MTMR7: variants seen among roughly 807,000 people sequenced by gnomAD.
The protein encoded by MTMR7 is phosphatidylinositol-3-phosphate phosphatase MTMR7.
Under a neutral mutation model 81.2 loss-of-function variants are expected in MTMR7, and 76 were observed. That is an observed-to-expected ratio of 0.94 (90% confidence interval 0.78 to 1.13). MTMR7 has a LOEUF of 1.13. Among genes scored for constraint, MTMR7 ranks in the 50% most tolerant of loss-of-function variants. MTMR7 has a pLI of 0.00. For synonymous variants in MTMR7, 372 were observed against 289.8 expected (o/e 1.28, Z -2.88); for missense variants, 1,044 against 820.0 (o/e 1.27, Z -3.34).
Position 17,302,263 on chromosome 8 carries a change from T to C in MTMR7, c.1511A>G (p.Tyr504Cys), listed in dbSNP as rs1817166133. ...NFMYKFWSGMYNRFEKGMQPR... is the reference protein window; with the variant it reads ...NFMYKFWSGMCNRFEKGMQPR... ...CTGCATCCCCTTTTCAAAGCGGTTA[T>C]ACATTCCACTCCAAAACCTGGAAAG... Residue 504 changes from tyrosine to cysteine, a missense_variant, in exon 13 of 14, where the codon TAT becomes TGT. By Grantham distance (194) the Tyr-to-Cys change is radical. Coordinates refer to ENST00000180173, the MANE Select transcript of MTMR7 (RefSeq NM_004686.5). 5.0e-6 allele frequency: 8 copies of C among 1,613,720 alleles called. No homozygotes were observed. Among genetic ancestry groups the C allele is most frequent in the South Asian group, 1.1e-5 (1 of 90,994 alleles).
At chr8:17,336,461 G>A (rs1819240102) in intron 6 of MTMR7, among the ~76,000 whole-genome samples, 1 of 152,066 alleles carries the variant, frequency 6.6e-6, no homozygotes, top group Non-Finnish European at 1.5e-5. Context: ...ACCAGCAAGT[G>A]TGAGACCCCC....
chr8:17,379,164 C>T (rs1428357496), intron 1 of MTMR7, among the ~76,000 whole-genome samples: 2 of 152,064 alleles, frequency 1.3e-5, no homozygotes, highest in East Asian at 1.9e-4. Context: ...CTGTAAGTGG[C>T]CCACTACATT....
At chr8:17,338,139 T>G (rs1400209451) in intron 6 of MTMR7, among the ~76,000 whole-genome samples, 1 of 152,188 alleles carries the variant, frequency 6.6e-6, no homozygotes, top group Non-Finnish European at 1.5e-5. Flanking sequence ...AAAACTCACG[T>G]GAAGTGTGCG....
At chr8:17,410,775 A>G (rs573397874) in intron 1 of MTMR7, among the ~76,000 whole-genome samples, 21 of 152,238 alleles carry the variant, frequency 1.4e-4, no homozygotes, top group Non-Finnish European at 2.6e-4. Context: ...AGAGGCTGTC[A>G]TGGATATTAC....
intron 5 of MTMR7, among the ~76,000 whole-genome samples, chr8:17,344,053 T>A (rs1205920697): frequency 6.6e-6 from 1 of 152,238 alleles, no homozygotes; most frequent in African/African-American, 2.4e-5. Flanking sequence ...AGTGTTTATA[T>A]GATAGGCACT....
chr8:17,401,824 T>A (rs1009717190), intron 1 of MTMR7, among the ~76,000 whole-genome samples: 1 of 152,080 alleles, frequency 6.6e-6, no homozygotes, highest in Non-Finnish European at 1.5e-5. Flanking sequence ...TCAGCTCAGT[T>A]TGGGACATAG....
At chr8:17,306,443 G>A (rs1817460483) in intron 10 of MTMR7, among the ~76,000 whole-genome samples, 4 of 151,660 alleles carry the variant, frequency 2.6e-5, no homozygotes. Context: ...CATTCCTAAA[G>A]CGGTTAAAGC....
chr8:17,351,261 T>C (rs1819720947), intron 4 of MTMR7, among the ~76,000 whole-genome samples: 1 of 152,238 alleles, frequency 6.6e-6, no homozygotes, highest in South Asian at 2.1e-4. Flanking sequence ...CATGCAAGAT[T>C]TGTCAACATG....
Position 17,330,058 on chromosome 8 carries a change from T to C in MTMR7, c.865+1092A>G, listed in dbSNP as rs539933401. Among the ~76,000 whole-genome samples the C allele has an allele frequency of 7.9e-5, 12 of 152,316 alleles. No homozygotes were observed. The East Asian group carries it at 2.1e-3, about 27-fold the overall frequency. On this transcript the variant is annotated intron_variant, in intron 7 of 13. Transcript: ENST00000180173. ...AGCAGGTAATGCAGCCCCAAACAAG[T>C]TAACTGATGTGTTCAAAGTTTCATA...
chr8:17,390,096 C>T (rs1331975770), intron 1 of MTMR7, among the ~76,000 whole-genome samples: 2 of 151,610 alleles, frequency 1.3e-5, no homozygotes, highest in Non-Finnish European at 2.9e-5. Flanking sequence ...AAAGAAATCC[C>T]TCATGTATTA....
rs751753015 is a variant in MTMR7 at position 17,300,272 on chromosome 8, C to CTTTT, written c.1621-52_1621-49dup. On this transcript the variant is annotated intron_variant, in intron 13 of 13. Transcript: ENST00000180173. ...AGGGGAAAAATCATAAATAACTTAT[C>CTTTT]TTTTTCTATATATGCATGTCTTTAG... The CTTTT allele has an allele frequency of 1.9e-6, 3 of 1,548,808 alleles. No individual in the cohort carries two copies. In the African/African-American group the frequency reaches 4.1e-5, roughly 21 times the overall value.
chr8:17,380,140 A>G (rs976770460), intron 1 of MTMR7, among the ~76,000 whole-genome samples: 1 of 152,176 alleles, frequency 6.6e-6, no homozygotes, highest in African/African-American at 2.4e-5. Flanking sequence ...ACTGGCAGAA[A>G]TTCTGTGGAA....
chr8:17,302,859 T>G (rs2150463307), intron 12 of MTMR7, among the ~76,000 whole-genome samples: 1 of 151,842 alleles, frequency 6.6e-6, no homozygotes, highest in South Asian at 2.1e-4. Context: ...ATTACAGGCA[T>G]GCACCACCAT....
chr8:17,351,652 T>C (rs1316258253), intron 4 of MTMR7, among the ~76,000 whole-genome samples: 1 of 152,176 alleles, frequency 6.6e-6, no homozygotes, highest in African/African-American at 2.4e-5. Flanking sequence ...ATGAACACAA[T>C]ACCAGTTATG....
intron 8 of MTMR7, 188 bp from the exon 9 acceptor site, chr8:17,311,824 G>GCTTT (rs1817797237): frequency 7.5e-6 from 6 of 803,976 alleles, no homozygotes; most frequent in Non-Finnish European, 1.2e-5. Flanking sequence ...GGCAGCTAAA[G>GCTTT]CTTTCCCTTC....
chr8:17,318,529 G>A (rs1206064852), intron 7 of MTMR7, among the ~76,000 whole-genome samples: 4 of 152,178 alleles, frequency 2.6e-5, no homozygotes, highest in African/African-American at 9.7e-5. Flanking sequence ...ATAACGGATA[G>A]TGTTCCCGAT....
chr8:17,402,343 ATTCT>A (rs1439712965), intron 1 of MTMR7, among the ~76,000 whole-genome samples: 6 of 152,228 alleles, frequency 3.9e-5, no homozygotes, highest in Non-Finnish European at 7.4e-5. Flanking sequence ...GGTCTTACTC[ATTCT>A]TTCTAACTAC....
intron 3 of MTMR7, among the ~76,000 whole-genome samples, chr8:17,369,372 C>T (rs554351443): frequency 5.7e-4 from 87 of 152,152 alleles, no homozygotes; most frequent in Non-Finnish European, 1.0e-3. Context: ...AGCTCCCTGG[C>T]GTCATTTCCA....
Position 17,341,470 on chromosome 8 carries a change from G to C in MTMR7, c.625C>G (p.Leu209Val). 1.9e-6 allele frequency: 3 copies of C among 1,614,036 alleles called. No individual in the cohort carries two copies. The highest frequency in any genetic ancestry group is 2.5e-6 in the Non-Finnish European group (3 of 1,180,030). Reference sequence around the variant, plus strand: ...AGGCACCGGGCACTGAAGCCGGACAGGGGCTGGCTGCTCCGGCAGATGGAG... The same window carrying C: ...AGGCACCGGGCACTGAAGCCGGACACGGGCTGGCTGCTCCGGCAGATGGAG... ...HASICRSSQP[L>V]SGFSARCLED... is the part of the protein sequence containing the mutation. The change falls in exon 6 of 14, where the codon CTG (leucine) becomes GTG (valine). Residue 209 changes from leucine to valine, a missense_variant. Leu to Val is a conservative substitution (Grantham distance 32). Transcript: ENST00000180173.
Sources: gnomAD v4.1 joint callset for allele counts (sites outside exome capture counted in the v4.1 genomes callset) on GRCh38, gnomAD v4.1.1 for gene constraint, MANE v1.5 for transcripts, NCBI Gene and HGNC (gene_info 2026-07-23, HGNC 2026-07-21) for gene names.